SIPA1L1: variants seen among roughly 807,000 people sequenced by gnomAD.
SIPA1L1 encodes the protein signal induced proliferation associated 1 like 1.
A neutral mutation model predicts 162.7 loss-of-function variants in SIPA1L1; 26 were observed. The ratio of observed to expected loss-of-function variants is 0.16; its 90% CI spans 0.12 to 0.22. The LOEUF (loss-of-function observed/expected upper bound fraction) is 0.22. SIPA1L1 is among the 10% of genes least tolerant of loss of function. The pLI is 1.00. For synonymous variants in SIPA1L1, 829 were observed against 837.4 expected (o/e 0.99, Z 0.17); for missense variants, 1,874 against 2,241.0 (o/e 0.84, Z 3.31).
chr14:71,647,570 A>G (rs984332475), intron 7 of SIPA1L1, among the ~76,000 whole-genome samples: 11 of 152,122 alleles, frequency 7.2e-5, no homozygotes, highest in Admixed American at 2.6e-4. Flanking sequence ...CTGTTCTGGA[A>G]GGCATAGCCA....
intron 4 of SIPA1L1, among the ~76,000 whole-genome samples, chr14:71,563,574 A>G (rs1023615589): frequency 6.6e-6 from 1 of 152,208 alleles, no homozygotes; most frequent in African/African-American, 2.4e-5. Flanking sequence ...TTTGAGTGTA[A>G]CATCTGAACT....
intron 13 of SIPA1L1, among the ~76,000 whole-genome samples, chr14:71,695,487 C>T (rs1474078411): frequency 6.6e-6 from 1 of 152,196 alleles, no homozygotes; most frequent in Non-Finnish European, 1.5e-5. Flanking sequence ...GCTTAATATA[C>T]GTTTGGAGAG....
intron 21 of SIPA1L1, 96 bp downstream of exon 21, chr14:71,733,908 T>C (rs1038724317): frequency 4.6e-6 from 6 of 1,308,438 alleles, no homozygotes; most frequent in African/African-American, 2.9e-5. Flanking sequence ...TCAAAACATA[T>C]GTGCCTCACC....
At chr14:71,404,118 C>T (rs1016715524) in intron 2 of SIPA1L1, among the ~76,000 whole-genome samples, 1 of 152,034 alleles carries the variant, frequency 6.6e-6, no homozygotes, top group Non-Finnish European at 1.5e-5. Flanking sequence ...GGTTGGCACT[C>T]AGGGGTGTAA....
At chr14:71,581,870 A>G (rs1216133867) in intron 4 of SIPA1L1, among the ~76,000 whole-genome samples, 1 of 152,074 alleles carries the variant, frequency 6.6e-6, no homozygotes, top group East Asian at 1.9e-4. Flanking sequence ...TTACCTTTCT[A>G]CTTACTACCT....
At chr14:71,511,475 G>A (rs1044834381) in intron 2 of SIPA1L1, among the ~76,000 whole-genome samples, 11 of 151,950 alleles carry the variant, frequency 7.2e-5, no homozygotes, top group Admixed American at 2.0e-4. Context: ...TTTTTGCAGA[G>A]TTGGGGTCTC....
intron 5 of SIPA1L1, 109 bp from the exon 6 acceptor site, chr14:71,618,648 A>G: frequency 2.0e-6 from 2 of 987,594 alleles, no homozygotes; most frequent in Non-Finnish European, 3.0e-6. Flanking sequence ...AAATGTTTAC[A>G]TTTTATTGAT....
At chr14:71,667,927 A>C (rs2044171757) in intron 10 of SIPA1L1, among the ~76,000 whole-genome samples, 1 of 151,972 alleles carries the variant, frequency 6.6e-6, no homozygotes, top group Non-Finnish European at 1.5e-5. Flanking sequence ...TAGCCAGGCG[A>C]GATGGCGGGC....
At chr14:71,523,571 T>C (rs1449161942) in intron 3 of SIPA1L1, among the ~76,000 whole-genome samples, 3 of 152,232 alleles carry the variant, frequency 2.0e-5, no homozygotes, top group Non-Finnish European at 4.4e-5. Context: ...ATAATGTCTT[T>C]TGTTTGGACC....
chr14:71,577,928 C>T (rs966224918), intron 4 of SIPA1L1, among the ~76,000 whole-genome samples: 2 of 151,284 alleles, frequency 1.3e-5, no homozygotes, highest in Non-Finnish European at 2.9e-5. Context: ...TTTCTTTCTC[C>T]GATACAGAGT....
At chr14:71,651,421 T>C (rs770005841) in intron 8 of SIPA1L1, among the ~76,000 whole-genome samples, 1 of 152,180 alleles carries the variant, frequency 6.6e-6, no homozygotes, top group Non-Finnish European at 1.5e-5. Flanking sequence ...CAGGGAAGAA[T>C]TTCCTGTTGC....
chr14:71,451,072 T>TA (rs947136565), intron 2 of SIPA1L1, among the ~76,000 whole-genome samples: 3 of 151,916 alleles, frequency 2.0e-5, no homozygotes, highest in Non-Finnish European at 2.9e-5. Flanking sequence ...TGTATAGCCG[T>TA]AAAAAAGAAG....
At chr14:71,445,712 T>G (rs1435751199) in intron 2 of SIPA1L1, among the ~76,000 whole-genome samples, 1 of 152,234 alleles carries the variant, frequency 6.6e-6, no homozygotes. Flanking sequence ...CAAATATTTC[T>G]TACTCGAATT....
intron 10 of SIPA1L1, among the ~76,000 whole-genome samples, chr14:71,665,303 G>T (rs1457642594): frequency 1.3e-5 from 2 of 152,100 alleles, no homozygotes; most frequent in Admixed American, 1.3e-4. Context: ...AAATAATGTG[G>T]TATTATACCT....
intron 7 of SIPA1L1, among the ~76,000 whole-genome samples, chr14:71,646,269 C>T (rs1243785836): frequency 1.3e-5 from 2 of 151,766 alleles, no homozygotes; most frequent in East Asian, 1.9e-4. Flanking sequence ...CTCAGCCTCC[C>T]GGGTTCACGC....
intron 7 of SIPA1L1, among the ~76,000 whole-genome samples, chr14:71,646,696 C>T (rs1479636192): frequency 6.6e-6 from 1 of 152,212 alleles, no homozygotes; most frequent in African/African-American, 2.4e-5. Flanking sequence ...CCAGCACTTC[C>T]CTCAGTGCTT....
At chr14:71,348,600 A>G (rs1313712881) in intron 2 of SIPA1L1, among the ~76,000 whole-genome samples, 2 of 152,216 alleles carry the variant, frequency 1.3e-5, no homozygotes, top group Admixed American at 6.5e-5. Flanking sequence ...ATGTATGTCT[A>G]AGAGTGGACT....
chr14:71,725,159 C>A (rs1169688932), intron 19 of SIPA1L1, among the ~76,000 whole-genome samples: 1 of 152,228 alleles, frequency 6.6e-6, no homozygotes. Flanking sequence ...TGTGCAGAGA[C>A]ACCTGTGGCT....
intron 2 of SIPA1L1, among the ~76,000 whole-genome samples, chr14:71,433,685 C>T (rs528850000): frequency 6.6e-6 from 1 of 152,082 alleles, no homozygotes; most frequent in East Asian, 1.9e-4. Flanking sequence ...CATTGAAGAC[C>T]AAAACTTTGT....
Sources: gnomAD v4.1 joint callset for allele counts (sites outside exome capture counted in the v4.1 genomes callset) on GRCh38, gnomAD v4.1.1 for gene constraint, MANE v1.5 for transcripts, NCBI Gene and HGNC (gene_info 2026-07-23, HGNC 2026-07-21) for gene names.